RFTN2: variants seen among roughly 807,000 people sequenced by gnomAD.
The protein encoded by RFTN2 is raftlin family member 2, also known as raftlin-2.
Under a neutral mutation model 52.7 loss-of-function variants are expected in RFTN2, and 34 were observed. The observed-to-expected ratio is 0.64, with a 90% CI of 0.49 to 0.86. The LOEUF is 0.86. Ranked by LOEUF, RFTN2 falls within the 40% of genes least tolerant of loss-of-function variation. The probability of loss-of-function intolerance (pLI) is 0.00; values close to 1 mark genes in which losing one functional copy is unlikely to be tolerated. For synonymous variants in RFTN2, 203 were observed against 217.7 expected (o/e 0.93, Z 0.59); for missense variants, 536 against 600.1 (o/e 0.89, Z 1.12).
intron 8 of RFTN2, among the ~76,000 whole-genome samples, chr2:197,587,300 G>A (rs1008390517): frequency 3.3e-5 from 5 of 151,796 alleles, no homozygotes; most frequent in African/African-American, 7.3e-5. Context: ...AATTTTCGCC[G>A]TCCCAACACT....
chr2:197,641,015 A>C (rs974101957), intron 3 of RFTN2, among the ~76,000 whole-genome samples: 7 of 152,174 alleles, frequency 4.6e-5, no homozygotes, highest in African/African-American at 1.7e-4. Flanking sequence ...AAATTAGTTA[A>C]ATGAAGAAAT....
chr2:197,581,544 C>G (rs1341310530), intron 8 of RFTN2, among the ~76,000 whole-genome samples: 2 of 152,170 alleles, frequency 1.3e-5, no homozygotes, highest in Non-Finnish European at 2.9e-5. Flanking sequence ...CCCTCCACTT[C>G]TCACCTTATT....
intron 8 of RFTN2, among the ~76,000 whole-genome samples, chr2:197,591,254 T>C (rs190144139): frequency 1.3e-5 from 2 of 152,288 alleles, no homozygotes; most frequent in East Asian, 1.9e-4. Flanking sequence ...AGAGTGCCGA[T>C]TGGTGTATTC....
chr2:197,619,481 C>T (rs1207016178), intron 5 of RFTN2, among the ~76,000 whole-genome samples: 1 of 151,806 alleles, frequency 6.6e-6, no homozygotes, highest in East Asian at 1.9e-4. Flanking sequence ...GCTGTATCCA[C>T]TCAGGGTTGA....
At chr2:197,578,642 A>G (rs1332719584) in intron 8 of RFTN2, among the ~76,000 whole-genome samples, 1 of 152,118 alleles carries the variant, frequency 6.6e-6, no homozygotes, top group East Asian at 1.9e-4. Context: ...CCCAAATCCT[A>G]TAAAACTGCA....
At chr2:197,573,877 C>T (rs1443718440) in intron 8 of RFTN2, among the ~76,000 whole-genome samples, 6 of 152,248 alleles carry the variant, frequency 3.9e-5, no homozygotes, top group Non-Finnish European at 7.3e-5. Flanking sequence ...GTGCAAGCCC[C>T]AAGCCTTGGT....
intron 3 of RFTN2, 98 bp downstream of exon 3, chr2:197,644,060 T>C: frequency 1.3e-6 from 1 of 783,106 alleles, no homozygotes; most frequent in Non-Finnish European, 2.3e-6. Flanking sequence ...AAGTTACCTG[T>C]CATTTCCTTA....
In RFTN2 at chr2:197,575,761, T is replaced by A. The variant is rs879372268; in HGVS notation, c.1234-3481A>T. ...ATATGTATATAAAATATATTTTTTA[T>A]ATATATAATATATATTCTATATATA... is the stretch of plus-strand genomic sequence containing the variant. On this transcript the variant is annotated intron_variant, in intron 8 of 8. Coordinates refer to ENST00000295049, the MANE Select transcript of RFTN2 (RefSeq NM_144629.3). Among the ~76,000 whole-genome samples, 125 of 142,954 alleles carry A rather than the reference T, an allele frequency of 8.7e-4. 1 individual carries two copies. The highest frequency in any genetic ancestry group is 6.9e-3 in the Admixed American group (95 of 13,768). 93.8% of individuals were successfully genotyped at this position (142,954 alleles called of 152,430 possible).
intron 1 of RFTN2, among the ~76,000 whole-genome samples, chr2:197,672,573 G>C (rs2089161743): frequency 6.6e-6 from 1 of 152,172 alleles, no homozygotes; most frequent in African/African-American, 2.4e-5. Context: ...TCTTTATCAA[G>C]TGCTTACTAA....
chr2:197,601,587 A>G (rs1350724251), intron 7 of RFTN2, among the ~76,000 whole-genome samples: 1 of 151,890 alleles, frequency 6.6e-6, no homozygotes, highest in Non-Finnish European at 1.5e-5. Flanking sequence ...GAGTGACTAC[A>G]TTTGCTTGTA....
At chr2:197,640,281 C>A (rs1216294441) in intron 3 of RFTN2, among the ~76,000 whole-genome samples, 4 of 152,112 alleles carry the variant, frequency 2.6e-5, no homozygotes, top group African/African-American at 9.7e-5. Flanking sequence ...AGCTTCCTGG[C>A]TGCTTTGTTT....
intron 7 of RFTN2, among the ~76,000 whole-genome samples, chr2:197,610,791 A>G (rs961366940): frequency 3.3e-5 from 5 of 152,218 alleles, no homozygotes; most frequent in Non-Finnish European, 7.3e-5. Context: ...TGTTCTATCA[A>G]TACCTAGTTT....
At chr2:197,603,128 A>T (rs1407990647) in intron 7 of RFTN2, among the ~76,000 whole-genome samples, 7 of 152,222 alleles carry the variant, frequency 4.6e-5, no homozygotes, top group Non-Finnish European at 1.0e-4. Context: ...ATGCTAAATG[A>T]TGAGTTAATG....
At chr2:197,582,040 T>A (rs1209833760) in intron 8 of RFTN2, among the ~76,000 whole-genome samples, 1 of 152,236 alleles carries the variant, frequency 6.6e-6, no homozygotes, top group Non-Finnish European at 1.5e-5. Context: ...CAGTTGGAAT[T>A]CTTACACAAG....
At chr2:197,663,704 T>C (rs1346676326) in intron 1 of RFTN2, among the ~76,000 whole-genome samples, 1 of 152,174 alleles carries the variant, frequency 6.6e-6, no homozygotes, top group African/African-American at 2.4e-5. Flanking sequence ...TTGGGTCTTT[T>C]CTTGGTTAGT....
chr2:197,584,892 A>G (rs1285728053), intron 8 of RFTN2, among the ~76,000 whole-genome samples: 1 of 152,092 alleles, frequency 6.6e-6, no homozygotes, highest in Non-Finnish European at 1.5e-5. Context: ...CCTACTCCAG[A>G]TTACCAGCTA....
chr2:197,573,685 A>G (rs2087364496), intron 8 of RFTN2, among the ~76,000 whole-genome samples: 1 of 152,234 alleles, frequency 6.6e-6, no homozygotes, highest in Admixed American at 6.5e-5. Context: ...AATGGAGAAA[A>G]TGTCTCCAGG....
At chr2:197,633,474 A>G (rs1373005955) in intron 4 of RFTN2, among the ~76,000 whole-genome samples, 1 of 152,176 alleles carries the variant, frequency 6.6e-6, no homozygotes, top group Non-Finnish European at 1.5e-5. Context: ...ATAGAAACCA[A>G]TCTTCAACAC....
At chr2:197,643,721 GTTATAT>G (rs1384177203) in intron 3 of RFTN2, among the ~76,000 whole-genome samples, 1 of 151,850 alleles carries the variant, frequency 6.6e-6, no homozygotes, top group Non-Finnish European at 1.5e-5. Context: ...GTACAGTTAA[GTTATAT>G]TTATATACTC....
Sources: gnomAD v4.1 joint callset for allele counts (sites outside exome capture counted in the v4.1 genomes callset) on GRCh38, gnomAD v4.1.1 for gene constraint, MANE v1.5 for transcripts, NCBI Gene and HGNC (gene_info 2026-07-23, HGNC 2026-07-21) for gene names.